The following OR1L8 variants were observed in gnomAD, a reference collection of about 807,000 sequenced individuals.
The protein encoded by OR1L8 is olfactory receptor family 1 subfamily L member 8.
For missense variants in OR1L8, 330 were observed against 377.4 expected (o/e 0.87, Z 1.04); for synonymous variants, 148 against 147.0 (o/e 1.01, Z -0.05).
chr9:122,567,890 A>C lies in OR1L8; in HGVS notation c.588T>G (p.Asn196Lys). The C allele has an allele frequency of 6.2e-7, 1 of 1,614,074 alleles. No individual in the cohort carries two copies. Among genetic ancestry groups the C allele is most frequent in the African/African-American group, 1.3e-5 (1 of 75,042 alleles). The change falls in exon 5 of 5, where the codon AAT (asparagine) becomes AAG (lysine). Residue 196 changes from asparagine (N) to lysine (K), a missense_variant. Coordinates refer to ENST00000641027, the MANE Select transcript of OR1L8 (RefSeq NM_001004454.2). ...GTGCTTCTGTCATCTGCACAATTTCATTGACAAATATGGAAGAGCAGGACA... is the reference window on the plus strand; with the variant it reads ...GTGCTTCTGTCATCTGCACAATTTCCTTGACAAATATGGAAGAGCAGGACA... ...LKLSCSSIFV[N>K]EIVQMTEAPI...
Position 122,568,597 on chromosome 9 carries a change from T to C in OR1L8, c.-120A>G, listed in dbSNP as rs990107256. 6 of 637,020 alleles carry C rather than the reference T, an allele frequency of 9.4e-6. No homozygotes were observed. The Admixed American group carries it at 1.9e-4, about 20-fold the overall frequency. The allele number at this position is 637,020 out of a possible 1,614,324, so 39.5% of individuals were successfully genotyped here. A position where few individuals can be genotyped will look rare whatever the true frequency, so the allele number is the denominator to read the frequency against. Reference sequence around the variant, plus strand: ...TCTGTTTGGTCACAATTAGCTACTGTGCTAATTGTGGGATGGCTTGTTCAC... The same window carrying C: ...TCTGTTTGGTCACAATTAGCTACTGCGCTAATTGTGGGATGGCTTGTTCAC... On this transcript the variant is annotated 5_prime_UTR_variant, in exon 5 of 5. Coordinates refer to ENST00000641027, the MANE Select transcript of OR1L8 (RefSeq NM_001004454.2).
At chr9:122,577,124 T>C (rs1829670384) in intron 2 of OR1L8, among the ~76,000 whole-genome samples, 1 of 152,200 alleles carries the variant, frequency 6.6e-6, no homozygotes, top group Non-Finnish European at 1.5e-5. Context: ...TTCTAGGAAA[T>C]AAATTGACAG....
chr9:122,554,302 A>AC, the OR1L8 span: 30 of 650,518 alleles, frequency 4.6e-5, no homozygotes, highest in Non-Finnish European at 7.0e-5. Context: ...AAAAAAAAAA[A>AC]GAGTGTTTCA....
the OR1L8 span, chr9:122,553,848 C>G: frequency 6.2e-7 from 1 of 1,614,030 alleles, no homozygotes; most frequent in Non-Finnish European, 8.5e-7. Flanking sequence ...CCTCACTGTT[C>G]CCCTCCTGCT....
At chr9:122,552,981 A>G in the OR1L8 span, 4 of 566,074 alleles carry the variant, frequency 7.1e-6, no homozygotes, top group South Asian at 2.8e-5. Context: ...ACAAAGCACA[A>G]TTGAGATTTG....
At chr9:122,577,056 C>T (rs1450364786) in intron 2 of OR1L8, among the ~76,000 whole-genome samples, 155 bp from the exon 3 acceptor site, 1 of 151,996 alleles carries the variant, frequency 6.6e-6, no homozygotes, top group Non-Finnish European at 1.5e-5. Context: ...TGGGTGGAGG[C>T]AGGAAAAGGA....
rs548135819 is a variant in OR1L8, at chr9:122,567,405, T to C, written c.*143A>G. ...GGCCGAATTGTTGGGTCATCATCAA[T>C]GGATGTAAGTGCCCACAATAGCCTT... is the stretch of plus-strand genomic sequence containing the variant. On this transcript the variant is annotated 3_prime_UTR_variant, in exon 5 of 5. Coordinates refer to ENST00000641027, the MANE Select transcript of OR1L8 (RefSeq NM_001004454.2). The C allele has an allele frequency of 2.6e-5, 15 of 577,294 alleles. No individual in the cohort carries two copies. In the South Asian group the frequency reaches 3.8e-4, roughly 15 times the overall value. 35.8% of individuals were successfully genotyped at this position (577,294 alleles called of 1,614,324 possible). A position where few individuals can be genotyped will look rare whatever the true frequency, so the allele number is the denominator to read the frequency against.
At chr9:122,553,763 T>C in the OR1L8 span, 805,854 of 1,612,110 alleles carry the variant, frequency 0.5, 203,496 homozygotes, top group East Asian at 0.62. Flanking sequence ...ATTGTGATCC[T>C]AGTGCTCTCC....
the OR1L8 span, chr9:122,554,187 A>G: frequency 1.3e-6 from 2 of 1,556,362 alleles, no homozygotes; most frequent in Non-Finnish European, 1.7e-6. Flanking sequence ...GGTGATGTCT[A>G]ATCTTGATCA....
intron 1 of OR1L8, among the ~76,000 whole-genome samples, chr9:122,581,120 C>A (rs1829733710): frequency 6.6e-6 from 1 of 152,100 alleles, no homozygotes; most frequent in African/African-American, 2.4e-5. Context: ...GTAATCCCAG[C>A]ACTTTGGGAG....
chr9:122,567,412 A>T lies in OR1L8; in HGVS notation c.*136T>A. The stretch of plus-strand genomic sequence containing the variant: ...TTGTTGGGTCATCATCAATGGATGT[A>T]AGTGCCCACAATAGCCTTGTCTCAC... On this transcript the variant is annotated 3_prime_UTR_variant, in exon 5 of 5. Coordinates refer to ENST00000641027, the MANE Select transcript of OR1L8 (RefSeq NM_001004454.2). 2 of 611,506 alleles carry T rather than the reference A, an allele frequency of 3.3e-6. No individual in the cohort carries two copies. Among genetic ancestry groups the T allele is most frequent in the South Asian group, 4.7e-5 (2 of 42,828 alleles). 37.9% of individuals were successfully genotyped at this position (611,506 alleles called of 1,614,324 possible).
chr9:122,566,772 C>A (rs1178599714), downstream of OR1L8, among the ~76,000 whole-genome samples: 1 of 152,042 alleles, frequency 6.6e-6, no homozygotes, highest in Non-Finnish European at 1.5e-5. Context: ...GGCTAGAGTC[C>A]TAGAAATGAC....
chr9:122,580,622 G>C (rs542811147), intron 1 of OR1L8, among the ~76,000 whole-genome samples: 18 of 152,074 alleles, frequency 1.2e-4, no homozygotes, highest in Non-Finnish European at 2.6e-4. Flanking sequence ...AAAAGGCAAA[G>C]GTTTCAATGA....
chr9:122,577,824 C>T (rs1056165774), intron 2 of OR1L8, among the ~76,000 whole-genome samples: 2 of 152,124 alleles, frequency 1.3e-5, no homozygotes, highest in Non-Finnish European at 2.9e-5. Context: ...TTACATTAAG[C>T]CATGTACATT....
chr9:122,568,086 A>C lies in OR1L8; in HGVS notation c.392T>G (p.Phe131Cys). Residue 131 changes from phenylalanine to cysteine, a missense_variant, in exon 5 of 5, where the codon TTC becomes TGC. Coordinates refer to ENST00000641027, the MANE Select transcript of OR1L8 (RefSeq NM_001004454.2). The part of the protein sequence containing the change: ...FDRYVAVCDP[F>C]HYVTTMSHHH... Reference sequence around the variant, plus strand: ...GTGGCTCATGGTGGTGACATAGTGGAAAGGGTCACAGACGGCCACATAGCG... The same window carrying C: ...GTGGCTCATGGTGGTGACATAGTGGCAAGGGTCACAGACGGCCACATAGCG... The C allele has an allele frequency of 6.2e-7, 1 of 1,614,090 alleles. No homozygotes were observed. The highest frequency in any genetic ancestry group is 8.5e-7 in the Non-Finnish European group (1 of 1,179,994).
intron 1 of OR1L8, among the ~76,000 whole-genome samples, chr9:122,580,687 T>C (rs541423966): frequency 1.3e-5 from 2 of 152,262 alleles, no homozygotes; most frequent in East Asian, 3.9e-4. Context: ...CCATCCTCCA[T>C]TAATAAAAGA....
the OR1L8 span, among the ~76,000 whole-genome samples, chr9:122,549,506 A>G: frequency 6.6e-6 from 1 of 152,180 alleles, no homozygotes; most frequent in East Asian, 1.9e-4. Flanking sequence ...TCTTACAGTT[A>G]AGTCTTTAAT....
At chr9:122,582,410 T>C (rs1470836202) in intron 1 of OR1L8, among the ~76,000 whole-genome samples, 1 of 152,124 alleles carries the variant, frequency 6.6e-6, no homozygotes, top group Non-Finnish European at 1.5e-5. Flanking sequence ...TTCCAAAATT[T>C]ATGAGTTTAA....
Position 122,567,641 on chromosome 9 carries a change from T to C in OR1L8, c.837A>G (p.Thr279=), listed in dbSNP as rs142233961. 1.2e-6 allele frequency: 2 copies of C among 1,614,046 alleles called. No homozygotes were observed. Among genetic ancestry groups the C allele is most frequent in the Non-Finnish European group, 1.7e-6 (2 of 1,179,954 alleles). Residue 279 remains threonine (T), a synonymous_variant, in exon 5 of 5, where the codon ACA becomes ACG. Coordinates refer to ENST00000641027, the MANE Select transcript of OR1L8 (RefSeq NM_001004454.2). ...VKDHVATIVY[T]VLSSMLNPFI... is the part of the protein sequence containing the mutation. ...AAGGATTGAGCATGGATGACAAAAC[T>C]GTGTAAACAATTGTTGCCACGTGGT...
Sources: gnomAD v4.1 joint callset for allele counts (sites outside exome capture counted in the v4.1 genomes callset) on GRCh38, gnomAD v4.1.1 for gene constraint, MANE v1.5 for transcripts, NCBI Gene and HGNC (gene_info 2026-07-23, HGNC 2026-07-21) for gene names.